The following TANC2 variants were observed in gnomAD, a reference collection of about 807,000 sequenced individuals.
TANC2 encodes the protein protein TANC2.
Under a neutral mutation model 210.5 loss-of-function variants are expected in TANC2, and 26 were observed. The observed-to-expected ratio is 0.12, with a 90% CI of 0.09 to 0.17. TANC2 has a LOEUF of 0.17. Ranked by LOEUF, TANC2 falls within the 10% of genes least tolerant of loss-of-function variation. TANC2 has a pLI of 1.00. For missense variants in TANC2, 2,129 were observed against 2,608.9 expected (o/e 0.82, Z 4.01); for synonymous variants, 931 against 967.1 (o/e 0.96, Z 0.69).
At position 63,054,578 on chromosome 17, in the gene TANC2, T is replaced by G. The variant is rs181696891; in HGVS notation, c.68-19365T>G. Among the ~76,000 whole-genome samples the G allele has an allele frequency of 3.9e-4, 59 of 151,992 alleles. 1 individual carries two copies. The East Asian group carries it at 0.011, about 27-fold the overall frequency. Reference sequence around the variant, plus strand: ...TTTTTTTTTTAGTAGAAATGGAGTTTTACCATGTTGGCCAGGATGGTCTCA... The same window carrying G: ...TTTTTTTTTTAGTAGAAATGGAGTTGTACCATGTTGGCCAGGATGGTCTCA... On this transcript the variant is annotated intron_variant, in intron 2 of 27. Transcript: ENST00000689528.
chr17:63,094,777 C>G (rs933658308), intron 3 of TANC2, among the ~76,000 whole-genome samples: 4 of 152,114 alleles, frequency 2.6e-5, no homozygotes, highest in African/African-American at 9.7e-5. Context: ...GCATTCTGAC[C>G]TCAACTTCTG....
intron 11 of TANC2, among the ~76,000 whole-genome samples, chr17:63,323,064 A>G (rs949315868): frequency 1.3e-5 from 2 of 152,262 alleles, no homozygotes; most frequent in Non-Finnish European, 2.9e-5. Flanking sequence ...CAGTTCAGCT[A>G]CACAAAAGTG....
chr17:63,384,786 A>T (rs1022531166), intron 15 of TANC2, among the ~76,000 whole-genome samples: 2 of 152,176 alleles, frequency 1.3e-5, no homozygotes, highest in African/African-American at 4.8e-5. Flanking sequence ...GTCTGGGATT[A>T]AAAAGGACAA....
At chr17:63,021,694 T>C (rs2034354890) in intron 2 of TANC2, among the ~76,000 whole-genome samples, 2 of 152,216 alleles carry the variant, frequency 1.3e-5, no homozygotes, top group Admixed American at 1.3e-4. Context: ...ATAACAATAC[T>C]TGAAAATGTA....
intron 7 of TANC2, among the ~76,000 whole-genome samples, chr17:63,208,436 T>C (rs1277551182): frequency 2.0e-5 from 3 of 152,218 alleles, no homozygotes; most frequent in Admixed American, 6.5e-5. Flanking sequence ...CTATAAGTCT[T>C]GATACTTGGT....
intron 1 of TANC2, among the ~76,000 whole-genome samples, chr17:63,004,352 G>A (rs1278571082): frequency 6.6e-6 from 1 of 152,164 alleles, no homozygotes; most frequent in Non-Finnish European, 1.5e-5. Flanking sequence ...GGTGGAAAGG[G>A]AGAAGAGGAC....
chr17:63,271,639 G>A (rs192193957), intron 9 of TANC2, among the ~76,000 whole-genome samples: 1 of 131,318 alleles, frequency 7.6e-6, no homozygotes, highest in East Asian at 2.5e-4. Flanking sequence ...GCCCCAGTAT[G>A]TGATGTTCCC....
chr17:63,288,319 A>G (rs1405469888), intron 9 of TANC2, among the ~76,000 whole-genome samples: 2 of 152,112 alleles, frequency 1.3e-5, no homozygotes, highest in Non-Finnish European at 2.9e-5. Flanking sequence ...ATCTCTGTGT[A>G]TTTTGGAATT....
chr17:63,068,755 AT>A (rs1196646718), intron 2 of TANC2, among the ~76,000 whole-genome samples: 2 of 151,214 alleles, frequency 1.3e-5, no homozygotes, highest in Admixed American at 1.3e-4. Context: ...AAAAACATGC[AT>A]GTTTTTATTC....
At chr17:63,347,223 T>C (rs1191294684) in intron 12 of TANC2, among the ~76,000 whole-genome samples, 1 of 152,200 alleles carries the variant, frequency 6.6e-6, no homozygotes, top group Non-Finnish European at 1.5e-5. Flanking sequence ...GAATACTTCT[T>C]AGTATTAAAA....
At chr17:63,318,842 T>C in intron 10 of TANC2, 115 bp from the exon 11 acceptor site, 3 of 1,206,746 alleles carry the variant, frequency 2.5e-6, no homozygotes, top group Non-Finnish European at 3.5e-6. Context: ...TTTATTTCTC[T>C]TAAGTATATA....
rs181237819 is a variant in TANC2 at position 63,025,616 on chromosome 17, C to G, written c.67+15990C>G. On this transcript the variant is annotated intron_variant, in intron 2 of 27. Coordinates refer to ENST00000689528, the Ensembl canonical transcript of TANC2. The stretch of plus-strand genomic sequence containing the variant: ...TTTAAGACAAGCCTGGGCGACGTGG[C>G]GAAACTTCATCTCTACTAAAAATAA... Among the ~76,000 whole-genome samples the G allele has an allele frequency of 5.7e-3, 857 of 151,520 alleles. 4 individuals are homozygous for G. The highest frequency in any genetic ancestry group is 9.3e-3 in the Non-Finnish European group (629 of 67,836).
intron 11 of TANC2, among the ~76,000 whole-genome samples, chr17:63,336,795 G>A (rs930348571): frequency 1.3e-5 from 2 of 152,148 alleles, no homozygotes; most frequent in Non-Finnish European, 2.9e-5. Flanking sequence ...ATTTAAACAA[G>A]TTACTTTGAA....
chr17:63,023,712 G>A (rs777150111), intron 2 of TANC2, among the ~76,000 whole-genome samples: 6 of 152,162 alleles, frequency 3.9e-5, no homozygotes, highest in Non-Finnish European at 8.8e-5. Flanking sequence ...AGAGTTTTGA[G>A]TTTGTGCTGA....
rs1396182431 is a variant in TANC2 at position 63,261,613 on chromosome 17, G to C, written c.1034-6135G>C. On this transcript the variant is annotated intron_variant, in intron 8 of 27. Coordinates refer to ENST00000689528, the Ensembl canonical transcript of TANC2. Reference sequence around the variant, plus strand: ...AAACTGCAAACTAGATTCAACTGCTGCTCCTGGAATGAACTGCCAATGCTT... The same window carrying C: ...AAACTGCAAACTAGATTCAACTGCTCCTCCTGGAATGAACTGCCAATGCTT... Among the ~76,000 whole-genome samples, 7 of 152,180 alleles carry C rather than the reference G, an allele frequency of 4.6e-5. No homozygotes were observed. The East Asian group carries it at 1.2e-3, about 25-fold the overall frequency.
chr17:63,015,303 T>C (rs2034056025), intron 2 of TANC2, among the ~76,000 whole-genome samples: 1 of 152,126 alleles, frequency 6.6e-6, no homozygotes, highest in African/African-American at 2.4e-5. Context: ...ATCAAATTTA[T>C]TAAAATAAGA....
chr17:63,119,029 A>ACCCCAGCCT (rs1396663192), intron 4 of TANC2, among the ~76,000 whole-genome samples: 6 of 151,780 alleles, frequency 4.0e-5, no homozygotes, highest in Non-Finnish European at 8.8e-5. Context: ...TGATCCGCCC[A>ACCCCAGCCT]CCCCAGCCTC....
intron 1 of TANC2, among the ~76,000 whole-genome samples, chr17:62,972,231 T>A (rs1279371187): frequency 6.6e-6 from 1 of 152,216 alleles, no homozygotes. Context: ...ATATAAGTTG[T>A]TTTTTTGTTG....
chr17:63,063,305 G>A (rs1218936912), intron 2 of TANC2, among the ~76,000 whole-genome samples: 1 of 152,034 alleles, frequency 6.6e-6, no homozygotes, highest in Non-Finnish European at 1.5e-5. Context: ...GCTTCGTCAC[G>A]TAGGCATGTT....
Sources: allele counts gnomAD v4.1 joint callset (sites outside exome capture counted in the v4.1 genomes callset), GRCh38; gene constraint gnomAD v4.1.1; transcripts MANE v1.5; gene names NCBI Gene and HGNC (gene_info 2026-07-23, HGNC 2026-07-21).